OBI1: variants seen among roughly 807,000 people sequenced by gnomAD.
The protein encoded by OBI1 is ring finger protein 219.
A neutral mutation model predicts 62.4 loss-of-function variants in OBI1; 59 were observed. The observed-to-expected ratio is 0.95, with a 90% CI of 0.77 to 1.17. OBI1 has a LOEUF of 1.17. Among genes scored for constraint, OBI1 ranks in the 50% most tolerant of loss-of-function variants. The probability of loss-of-function intolerance (pLI) is 0.00; values close to 1 mark genes in which losing one functional copy is unlikely to be tolerated. For missense variants in OBI1, 875 were observed against 830.9 expected (o/e 1.05, Z -0.65); for synonymous variants, 302 against 292.8 (o/e 1.03, Z -0.32).
chr13:78,653,035 G>A (rs946247176), intron 1 of OBI1, among the ~76,000 whole-genome samples: 1 of 152,148 alleles, frequency 6.6e-6, no homozygotes, highest in African/African-American at 2.4e-5. Flanking sequence ...AGTCTTAAGA[G>A]AGTCCACTCT....
chr13:78,653,009 C>A (rs990145865), intron 1 of OBI1, among the ~76,000 whole-genome samples: 1 of 152,128 alleles, frequency 6.6e-6, no homozygotes, highest in East Asian at 1.9e-4. Context: ...TATTTCATTT[C>A]TTTTAAAGAT....
intron 1 of OBI1, among the ~76,000 whole-genome samples, chr13:78,649,224 C>T (rs1396072505): frequency 2.0e-5 from 3 of 151,886 alleles, no homozygotes; most frequent in Admixed American, 6.6e-5. Context: ...CATGAATGGA[C>T]AAAACAGCTG....
At chr13:78,651,019 T>C (rs1876527939) in intron 1 of OBI1, among the ~76,000 whole-genome samples, 1 of 152,186 alleles carries the variant, frequency 6.6e-6, no homozygotes, top group Non-Finnish European at 1.5e-5. Context: ...GATTTGAAGA[T>C]TCACCAATAT....
chr13:78,642,007 C>G (rs1347817847), intron 3 of OBI1, 115 bp downstream of exon 3: 52 of 461,992 alleles, frequency 1.1e-4, no homozygotes, highest in Non-Finnish European at 1.2e-5. Flanking sequence ...TTTTTATAGG[C>G]TTTTAAAATA....
chr13:78,636,755 A>G (rs1171233278), intron 4 of OBI1, among the ~76,000 whole-genome samples: 1 of 152,192 alleles, frequency 6.6e-6, no homozygotes, highest in Non-Finnish European at 1.5e-5. Context: ...TTCCTCATAT[A>G]TGCAGACAAT....
rs561787993 is a variant in OBI1, at chr13:78,615,503, T to C, written c.*77A>G. The C allele has an allele frequency of 1.9e-3, 2,024 of 1,087,074 alleles. 5 individuals carry two copies. The highest frequency in any genetic ancestry group is 2.3e-3 in the Non-Finnish European group (1,747 of 749,746). 67.3% of individuals were successfully genotyped at this position (1,087,074 alleles called of 1,614,324 possible). ...TCAATTCCAATTTGTATAGAACTTTTATGAGGAAAAAAGGTAACTTTAACA... is the reference window on the plus strand; with the variant it reads ...TCAATTCCAATTTGTATAGAACTTTCATGAGGAAAAAAGGTAACTTTAACA... On this transcript the variant is annotated 3_prime_UTR_variant, in exon 6 of 6. Transcript: ENST00000282003.
intron 2 of OBI1, among the ~76,000 whole-genome samples, chr13:78,642,632 C>T (rs1294864488): frequency 2.0e-5 from 3 of 152,150 alleles, no homozygotes; most frequent in African/African-American, 7.2e-5. Flanking sequence ...CGCCTGTAAT[C>T]CCAGCACTTT....
intron 1 of OBI1, among the ~76,000 whole-genome samples, chr13:78,650,236 A>C (rs553137791): frequency 6.6e-6 from 1 of 152,178 alleles, no homozygotes; most frequent in Non-Finnish European, 1.5e-5. Flanking sequence ...GACCACGAAT[A>C]ATAAGGGAAA....
chr13:78,640,749 G>A (rs947212649), intron 3 of OBI1, among the ~76,000 whole-genome samples: 29 of 152,274 alleles, frequency 1.9e-4, no homozygotes, highest in Admixed American at 1.6e-3. Context: ...GCAGTGAGCC[G>A]AGATCATGCC....
Position 78,616,522 on chromosome 13 carries a change from T to C in OBI1, c.1239A>G (p.Ala413=), listed in dbSNP as rs748706597. 2 of 1,614,154 alleles carry C rather than the reference T, an allele frequency of 1.2e-6. No individual in the cohort carries two copies. Among genetic ancestry groups the C allele is most frequent in the South Asian group, 2.2e-5 (2 of 91,074 alleles). Reference sequence around the variant, plus strand: ...GGTTTGAGTGCTTTTTGGAACCTCCTGCTTGGACCACAGAGCTCTCTCTAT... The same window carrying C: ...GGTTTGAGTGCTTTTTGGAACCTCCCGCTTGGACCACAGAGCTCTCTCTAT... ...PENRESSVVQ[A]GGSKKHSNHL... is the part of the protein sequence containing the mutation. Residue 413 remains alanine (A), a synonymous_variant, in exon 6 of 6, where the codon GCA becomes GCG. Coordinates refer to ENST00000282003, the MANE Select transcript of OBI1 (RefSeq NM_024546.4).
intron 2 of OBI1, 72 bp downstream of exon 2, chr13:78,644,790 C>A (rs779621679): frequency 5.4e-5 from 81 of 1,509,276 alleles, no homozygotes; most frequent in Non-Finnish European, 7.4e-5. Context: ...CTATTTCAGT[C>A]TTCCTCGAAA....
At chr13:78,628,004 T>C (rs2137438024) in intron 5 of OBI1, among the ~76,000 whole-genome samples, 1 of 149,868 alleles carries the variant, frequency 6.7e-6, no homozygotes, top group South Asian at 2.2e-4. Context: ...GAGTTTAAAA[T>C]GGAGCTTAGA....
Position 78,642,160 on chromosome 13 carries a change from G to C in OBI1, c.262C>G (p.Arg88Gly). The stretch of plus-strand genomic sequence containing the variant: ...TGTAGTAATTCAAGTCTAGTTTTCC[G>C]AAGATGCTTCCTGACCGTATGGCTT... ...MLSHTVRKHL[R>G]KTRLELLHKE... Residue 88 changes from arginine to glycine, a missense_variant, in exon 3 of 6, where the codon CGG (arginine) becomes GGG (glycine). By Grantham distance (125) the Arg-to-Gly change is moderately radical. Transcript: ENST00000282003. 1 of 1,609,166 alleles carries C rather than the reference G, an allele frequency of 6.2e-7. No individual in the cohort carries two copies. Among genetic ancestry groups the C allele is most frequent in the Middle Eastern group, 1.7e-4 (1 of 6,050 alleles).
chr13:78,616,599 C>G lies in OBI1; in HGVS notation c.1162G>C (p.Ala388Pro), dbSNP rs1272324175. The G allele has an allele frequency of 6.2e-7, 1 of 1,614,162 alleles. No homozygotes were observed. The highest frequency in any genetic ancestry group is 2.2e-5 in the East Asian group (1 of 44,882). The change falls in exon 6 of 6, where the codon GCT becomes CCT. Residue 388 changes from alanine to proline, a missense_variant. Transcript: ENST00000282003. Reference protein sequence around the residue: ...YKDEELYDLPAPCTPLSLSCL... With the variant: ...YKDEELYDLPPPCTPLSLSCL... ...CTAAGGGACAAAGGAGTACAAGGAG[C>G]TGGAAGATCATAAAGTTCTTCATCT... is the stretch of plus-strand genomic sequence containing the variant.
chr13:78,643,662 C>T (rs1169109430), intron 2 of OBI1, among the ~76,000 whole-genome samples: 2 of 152,050 alleles, frequency 1.3e-5, no homozygotes, highest in Non-Finnish European at 2.9e-5. Flanking sequence ...GTGATGCATG[C>T]ATATAATCCC....
intron 5 of OBI1, among the ~76,000 whole-genome samples, chr13:78,624,575 T>C (rs2137433939): frequency 6.6e-6 from 1 of 152,352 alleles, no homozygotes; most frequent in East Asian, 1.9e-4. Context: ...AAATTCTTTG[T>C]GTGTTTATCT....
rs750288465 is a variant in OBI1 at position 78,616,103 on chromosome 13, C to G, written c.1658G>C (p.Ser553Thr). ...TGACTTAAAACCGTTATTACAAGGG[C>G]TCTTGCTGTTGTCTGACTCTGACAT... ...SMMSESDNSK[S>T]PCNNGFKSLD... The change falls in exon 6 of 6, where the codon AGC becomes ACC. Residue 553 changes from serine to threonine, a missense_variant. Ser to Thr is a moderately conservative substitution (Grantham distance 58). Transcript: ENST00000282003. The G allele has an allele frequency of 1.9e-6, 3 of 1,614,118 alleles. No homozygotes were observed. Among genetic ancestry groups the G allele is most frequent in the Non-Finnish European group, 2.5e-6 (3 of 1,180,018 alleles).
In OBI1 at chr13:78,651,720, C is replaced by T. The variant is rs115791741; in HGVS notation, c.73-6723G>A. ...AATTAACCAAGTCTTTGATAGGGCA[C>T]TCTCTGTTCATTTATTTAATGTTCA... On this transcript the variant is annotated intron_variant, in intron 1 of 5. Coordinates refer to ENST00000282003, the MANE Select transcript of OBI1 (RefSeq NM_024546.4). 4.2e-3 allele frequency among the ~76,000 whole-genome samples: 636 copies of T among 152,262 alleles called. 3 individuals are homozygous for T. Among genetic ancestry groups the T allele is most frequent in the African/African-American group, 0.014 (590 of 41,542 alleles).
At chr13:78,638,526 A>G (rs944348926) in intron 4 of OBI1, among the ~76,000 whole-genome samples, 1 of 152,236 alleles carries the variant, frequency 6.6e-6, no homozygotes. Flanking sequence ...CACAAAGAGG[A>G]CGAAACAGAA....
Sources: allele counts gnomAD v4.1 joint callset (sites outside exome capture counted in the v4.1 genomes callset), GRCh38; gene constraint gnomAD v4.1.1; transcripts MANE v1.5; gene names NCBI Gene and HGNC (gene_info 2026-07-23, HGNC 2026-07-21).